PDE10A: variants seen among roughly 807,000 people sequenced by gnomAD.
The protein encoded by PDE10A is cAMP and cAMP-inhibited cGMP 3',5'-cyclic phosphodiesterase 10A.
Under a neutral mutation model 97.7 loss-of-function variants are expected in PDE10A, and 39 were observed. That is an observed-to-expected ratio of 0.40 (90% CI 0.31 to 0.52). The LOEUF is 0.52. Among genes scored for constraint, PDE10A ranks in the 20% least tolerant of loss-of-function variants. The pLI, the probability that PDE10A is intolerant of heterozygous loss-of-function variation, is 0.56. For missense variants in PDE10A, 731 were observed against 1,047.8 expected, an observed-to-expected ratio of 0.70 and a Z score of 4.17; for synonymous variants, 371 against 376.8, an observed-to-expected ratio of 0.98 and a Z score of 0.18.
intron 2 of PDE10A, among the ~76,000 whole-genome samples, chr6:165,515,112 T>C (rs1434607770): frequency 6.6e-6 from 1 of 152,218 alleles, no homozygotes; most frequent in Non-Finnish European, 1.5e-5. Context: ...CACTAAGATG[T>C]TATCTGTCTT....
Position 165,471,360 on chromosome 6 carries a change from C to T in PDE10A, c.1023+10955G>A, listed in dbSNP as rs145982559. On this transcript the variant is annotated intron_variant, in intron 3 of 21. Coordinates refer to ENST00000539869, the MANE Select transcript of PDE10A (RefSeq NM_001385079.1). The stretch of plus-strand genomic sequence containing the variant: ...AGTGATCTCATCTGGGTTCATGACT[C>T]TAGCTACTATCTGTATGTGGATGGT... Among the ~76,000 whole-genome samples, 639 of 152,218 alleles carry T rather than the reference C, an allele frequency of 4.2e-3. 7 individuals are homozygous for T. The highest frequency in any genetic ancestry group is 0.015 in the African/African-American group (618 of 41,520).
At chr6:165,547,276 A>C (rs1370452095) in intron 1 of PDE10A, among the ~76,000 whole-genome samples, 1 of 152,128 alleles carries the variant, frequency 6.6e-6, no homozygotes, top group African/African-American at 2.4e-5. Context: ...ATTTTTCAGC[A>C]TCTGGCAGGA....
intron 2 of PDE10A, among the ~76,000 whole-genome samples, chr6:165,518,379 C>A (rs533013368): frequency 2.0e-5 from 3 of 152,156 alleles, no homozygotes; most frequent in Non-Finnish European, 4.4e-5. Flanking sequence ...ATTTTAAATT[C>A]TCCACCATTC....
chr6:165,932,923 T>C (rs1400948804), intron 1 of PDE10A, among the ~76,000 whole-genome samples: 4 of 151,966 alleles, frequency 2.6e-5, no homozygotes, highest in African/African-American at 7.3e-5. Flanking sequence ...CCAGGCAGAG[T>C]TCACCCAGGG....
intron 1 of PDE10A, among the ~76,000 whole-genome samples, chr6:165,730,666 T>G (rs1433752353): frequency 6.6e-6 from 1 of 150,876 alleles, no homozygotes; most frequent in African/African-American, 2.5e-5. Context: ...GGCAGGGGAA[T>G]CGCTTGAACC....
intron 10 of PDE10A, among the ~76,000 whole-genome samples, chr6:165,423,696 T>C (rs1242815718): frequency 6.6e-6 from 1 of 151,916 alleles, no homozygotes; most frequent in Non-Finnish European, 1.5e-5. Context: ...TGAAACCCCG[T>C]TTCTACTAAA....
At chr6:165,914,134 G>T (rs920009855) in intron 1 of PDE10A, among the ~76,000 whole-genome samples, 3 of 152,212 alleles carry the variant, frequency 2.0e-5, no homozygotes, top group Non-Finnish European at 4.4e-5. Context: ...TTGCAGTACA[G>T]TAAAAAGGGA....
intron 1 of PDE10A, among the ~76,000 whole-genome samples, chr6:165,657,228 G>A (rs1790011483): frequency 6.6e-6 from 1 of 152,192 alleles, no homozygotes; most frequent in African/African-American, 2.4e-5. Flanking sequence ...TTCAGCAAGT[G>A]GTGAGTGCTA....
chr6:165,878,512 G>C (rs975596907), intron 1 of PDE10A, among the ~76,000 whole-genome samples: 3 of 152,152 alleles, frequency 2.0e-5, no homozygotes, highest in Admixed American at 2.0e-4. Context: ...TAGAAGCCTC[G>C]ATGATAAGGA....
At chr6:165,649,885 C>A (rs573630211) in intron 1 of PDE10A, among the ~76,000 whole-genome samples, 2 of 152,172 alleles carry the variant, frequency 1.3e-5, no homozygotes, top group South Asian at 4.1e-4. Context: ...GTGGTTTAAA[C>A]GATAGTTCAC....
At chr6:165,891,039 CA>C (rs1195903004) in intron 1 of PDE10A, among the ~76,000 whole-genome samples, 1 of 152,136 alleles carries the variant, frequency 6.6e-6, no homozygotes, top group Non-Finnish European at 1.5e-5. Flanking sequence ...AGATCTTGAA[CA>C]TTTTGTGAGA....
chr6:165,446,777 G>C (rs1790877190), intron 5 of PDE10A, among the ~76,000 whole-genome samples: 1 of 152,086 alleles, frequency 6.6e-6, no homozygotes. Flanking sequence ...CTGTTCATAG[G>C]GATATTAAGT....
intron 1 of PDE10A, among the ~76,000 whole-genome samples, chr6:165,714,824 G>T (rs1372088823): frequency 6.6e-6 from 1 of 152,236 alleles, no homozygotes; most frequent in Non-Finnish European, 1.5e-5. Flanking sequence ...GCGGATTGTG[G>T]CCCAGTCCCA....
chr6:165,442,652 C>T (rs1790556543), intron 5 of PDE10A, among the ~76,000 whole-genome samples: 1 of 152,130 alleles, frequency 6.6e-6, no homozygotes, highest in African/African-American at 2.4e-5. Context: ...AGGTCCTTCC[C>T]TTGATATGTG....
chr6:165,366,551 C>A (rs541773822), intron 18 of PDE10A, among the ~76,000 whole-genome samples: 1 of 152,126 alleles, frequency 6.6e-6, no homozygotes, highest in African/African-American at 2.4e-5. Flanking sequence ...AAGATTTAAA[C>A]GTTGAAAGGC....
intron 3 of PDE10A, among the ~76,000 whole-genome samples, chr6:165,468,583 T>C (rs1460189393): frequency 2.0e-5 from 3 of 152,184 alleles, no homozygotes; most frequent in Non-Finnish European, 4.4e-5. Context: ...GGTATGATTA[T>C]ATGTAAGGTT....
chr6:165,678,328 CTTCT>C (rs1216640438), intron 1 of PDE10A, among the ~76,000 whole-genome samples: 1 of 100,604 alleles, frequency 9.9e-6, no homozygotes, highest in Non-Finnish European at 2.1e-5. Context: ...CATATCTTTC[CTTCT>C]GTTTGTTTCT....
chr6:165,958,134 T>A (rs143745388), intron 1 of PDE10A, among the ~76,000 whole-genome samples: 9 of 152,220 alleles, frequency 5.9e-5, no homozygotes, highest in Non-Finnish European at 1.0e-4. Flanking sequence ...ATCCACTGGT[T>A]TAATGAGTAG....
At chr6:165,565,407 T>G (rs2128340448) in intron 1 of PDE10A, among the ~76,000 whole-genome samples, 1 of 152,220 alleles carries the variant, frequency 6.6e-6, no homozygotes. Context: ...ATACAAACTC[T>G]ATATGAGAAA....
Sources: allele counts gnomAD v4.1 joint callset (sites outside exome capture counted in the v4.1 genomes callset), GRCh38; gene constraint gnomAD v4.1.1; transcripts MANE v1.5; gene names NCBI Gene and HGNC (gene_info 2026-07-23, HGNC 2026-07-21).